Variants in TTN observed in about 807,000 individuals in gnomAD.
TTN encodes the protein titin, also known as connectin.
Under a neutral mutation model 3,223.0 loss-of-function variants are expected in TTN, and 1,525 were observed. The ratio of observed to expected loss-of-function variants is 0.47; its 90% confidence interval spans 0.45 to 0.49. The LOEUF (loss-of-function observed/expected upper bound fraction) is 0.49, where lower values mean the gene tolerates loss of function less well. Ranked by LOEUF, TTN falls within the 20% of genes least tolerant of loss-of-function variation. The pLI is 0.00. For synonymous variants in TTN, 14,094 were observed against 15,161.0 expected (o/e 0.93, Z 5.17); for missense variants, 40,786 against 43,424.0 (o/e 0.94, Z 5.40).
rs1419991735 is a variant in TTN at position 178,601,872 on chromosome 2, A to AT, written c.55302+9dup. ...CATATTCTGAATTATTTTAATTATT[A>AT]TTTTTTTACCTGTGCATCTTCGGGT... On this transcript the variant is annotated intron_variant, in intron 285 of 362. Transcript: ENST00000589042. The AT allele has an allele frequency of 1.2e-6, 2 of 1,608,910 alleles. No homozygotes were observed. Among genetic ancestry groups the AT allele is most frequent in the Admixed American group, 1.7e-5 (1 of 59,358 alleles).
chr2:178,564,111 G>T lies in TTN; in HGVS notation c.82021C>A (p.Arg27341=). 6.2e-7 allele frequency: 1 copy of T among 1,613,644 alleles called. No individual in the cohort carries two copies. Among genetic ancestry groups the T allele is most frequent in the African/African-American group, 1.3e-5 (1 of 74,992 alleles). The change falls in exon 326 of 363, where the codon CGG becomes AGG. Residue 27341 remains arginine (R), a synonymous_variant. Coordinates refer to ENST00000589042, the MANE Select transcript of TTN (RefSeq NM_001267550.2). ...AGAATATATTGTCCTCCATCAGTCC[G>T]TATACAGTCTTTGACAACAAGAGTT... ...KTTLVVKDCI[R]TDGGQYILKL...
chr2:178,664,315 T>C, intron 168 of TTN, 145 bp downstream of exon 168: 4 of 786,440 alleles, frequency 5.1e-6, no homozygotes, highest in South Asian at 1.8e-5. Context: ...AGTTTGAAGA[T>C]ATTAATACAT....
chr2:178,725,963 T>A lies in TTN; in HGVS notation c.20359A>T (p.Thr6787Ser). Residue 6787 changes from threonine (T) to serine (S), a missense_variant, in exon 70 of 363, where the codon ACA (threonine) becomes TCA (serine). Thr to Ser is a moderately conservative substitution (Grantham distance 58, BLOSUM62 1). Transcript: ENST00000589042. ...TACCATACCACCTCAAACGGTGGTG[T>A]TCCCGAAAGTTCACATTCAAGACTG... ...EVSLECELSG[T>S]PPFEVVWYKD... 3 of 1,611,932 alleles carry A rather than the reference T, an allele frequency of 1.9e-6. No individual in the cohort carries two copies. The African/African-American group carries it at 4.0e-5, about 22-fold the overall frequency.
intron 130 of TTN, 57 bp from the exon 131 acceptor site, chr2:178,684,806 G>A: frequency 6.4e-7 from 1 of 1,566,938 alleles, no homozygotes; most frequent in Non-Finnish European, 8.7e-7. Context: ...ACTAAACACA[G>A]GCACACTTAT....
Position 178,537,194 on chromosome 2 carries a change from C to A in TTN, c.99915G>T (p.Lys33305Asn). The A allele has an allele frequency of 6.2e-7, 1 of 1,611,958 alleles. No homozygotes were observed. The highest frequency in any genetic ancestry group is 8.5e-7 in the Non-Finnish European group (1 of 1,178,440). ...TGPIVIEALL[K>N]NSAVISWKPP... ...GTTTCCAGCTGATCACTGCGGAGTT[C>A]TTCAATAGAGCTTCGATCACAATTG... is the stretch of plus-strand genomic sequence containing the variant. Residue 33305 changes from lysine to asparagine, a missense_variant, in exon 356 of 363, where the codon AAG becomes AAT. Physicochemically the swap from Lys to Asn is moderately conservative, Grantham distance 94. Transcript: ENST00000589042.
chr2:178,538,547 T>C lies in TTN; in HGVS notation c.99282A>G (p.Lys33094=). ...PRRTAMSIKT[K]LTSGEAPGIR... is the part of the protein sequence containing the mutation. The stretch of plus-strand genomic sequence containing the variant: ...GAACCAAAGGCTACTTACATGTGAG[T>C]TTAGTCTTTATAGACATAGCAGTTC... Residue 33094 remains lysine (K), a synonymous_variant, in exon 354 of 363, where the codon AAA becomes AAG. Coordinates refer to ENST00000589042, the MANE Select transcript of TTN (RefSeq NM_001267550.2). 6.2e-7 allele frequency: 1 copy of C among 1,608,722 alleles called. No individual in the cohort carries two copies.
rs372097769 is a variant in TTN at position 178,664,666 on chromosome 2, G to A, written c.36190C>T (p.Leu12064Phe). ...LVVPLRKPEV[L>F]PDEVPEALRE... ...CAGCAAGATATACCTTCATCAGGAA[G>A]GACTTCAGGCTTTCTGAGAGGAACC... Residue 12064 changes from leucine (L) to phenylalanine (F), a missense_variant, in exon 167 of 363, where the codon CTT becomes TTT. Coordinates refer to ENST00000589042, the MANE Select transcript of TTN (RefSeq NM_001267550.2). 8 of 1,612,350 alleles carry A rather than the reference G, an allele frequency of 5.0e-6. No individual in the cohort carries two copies. In the African/African-American group the frequency reaches 9.3e-5, roughly 19 times the overall value.
At position 178,532,304 on chromosome 2, in the gene TTN, C is replaced by T. The variant is rs2154134190; in HGVS notation, c.104311G>A (p.Glu34771Lys). 2 of 1,614,018 alleles carry T rather than the reference C, an allele frequency of 1.2e-6. No individual in the cohort carries two copies. Among genetic ancestry groups the T allele is most frequent in the African/African-American group, 1.3e-5 (1 of 75,056 alleles). The stretch of plus-strand genomic sequence containing the variant: ...GTCGTAACTGGGCGAAGCAACTCTT[C>T]ATCCTCCCTCTCAGCCATGATTCTT... ...RQRIMAERED[E>K]ELLRPVTTTQ... Residue 34771 changes from glutamate to lysine, a missense_variant, in exon 358 of 363, where the codon GAA becomes AAA. Coordinates refer to ENST00000589042, the MANE Select transcript of TTN (RefSeq NM_001267550.2).
rs182728387 is a variant in TTN at position 178,705,474 on chromosome 2, A to T, written c.29421-117T>A. On this transcript the variant is annotated intron_variant, in intron 102 of 362. Coordinates refer to ENST00000589042, the MANE Select transcript of TTN (RefSeq NM_001267550.2). ...GGTTTTCTATGTTCTTTATTCAATA[A>T]ATATTAATTTTACCATGTTAGCTGT... 30 of 841,032 alleles carry T rather than the reference A, an allele frequency of 3.6e-5. 1 individual carries two copies. The Admixed American group carries it at 8.5e-4, about 24-fold the overall frequency. The allele number at this position is 841,032 out of a possible 1,614,324, so 52.1% of individuals were successfully genotyped here.
intron 47 of TTN, chr2:178,744,458 T>A: frequency 1.1e-6 from 1 of 881,464 alleles, no homozygotes. Context: ...CATTAGTATA[T>A]AGGTAAGATA....
intron 83 of TTN, 52 bp from the exon 84 acceptor site, chr2:178,719,025 G>A: frequency 6.6e-7 from 1 of 1,526,392 alleles, no homozygotes; most frequent in African/African-American, 1.4e-5. Flanking sequence ...AAATCCAAGT[G>A]AGAAGTGCTT....
chr2:178,689,333 T>A lies in TTN; in HGVS notation c.31968A>T (p.Lys10656Asn). The change falls in exon 124 of 363, where the codon AAA becomes AAT. Residue 10656 changes from lysine (K) to asparagine (N), a missense_variant. Transcript: ENST00000589042. ...IPKKKVPEER[K>N]PVPRKEEEVP... Reference sequence around the variant, plus strand: ...CTTCTTCCTCCTTCCGAGGAACAGGTTTCCTTTCTTCAGGAACTTTCTTCT... The same window carrying A: ...CTTCTTCCTCCTTCCGAGGAACAGGATTCCTTTCTTCAGGAACTTTCTTCT... 6.2e-7 allele frequency: 1 copy of A among 1,613,834 alleles called. No homozygotes were observed. The highest frequency in any genetic ancestry group is 8.5e-7 in the Non-Finnish European group (1 of 1,179,826).
chr2:178,567,202 T>C lies in TTN; in HGVS notation c.78930A>G (p.Pro26310=). 1 of 1,612,218 alleles carries C rather than the reference T, an allele frequency of 6.2e-7. No individual in the cohort carries two copies. Among genetic ancestry groups the C allele is most frequent in the Non-Finnish European group, 8.5e-7 (1 of 1,178,874 alleles). ...TGTCACTGCCACCATCTTGAAGTGG[T>C]GGAGACCATGTTAAAGAGCATTTTT... is the stretch of plus-strand genomic sequence containing the variant. The part of the protein sequence containing the change: ...TSEKCSLTWS[P]PLQDGGSDIS... Residue 26310 remains proline (P), a synonymous_variant, in exon 326 of 363, where the codon CCA becomes CCG. Coordinates refer to ENST00000589042, the MANE Select transcript of TTN (RefSeq NM_001267550.2).
In TTN at chr2:178,717,108, C is replaced by A. The variant is rs2562832; in HGVS notation, c.25626G>T (p.Gln8542His). 44,019 of 1,611,654 alleles carry A rather than the reference C, an allele frequency of 0.027. 1,379 individuals carry two copies. The highest frequency in any genetic ancestry group is 0.19 in the East Asian group (8,549 of 44,790). Residue 8542 changes from glutamine (Q) to histidine (H), a missense_variant, in exon 88 of 363, where the codon CAG (glutamine) becomes CAT (histidine). Transcript: ENST00000589042. ...TCTAACAAGTACCTTGTACACCCAG[C>A]TGAGCAGAACAAGAGTCTTTTCCAG... ...NIAGKDSCSA[Q>H]LGVQEPPRFI...
chr2:178,548,130 T>C lies in TTN; in HGVS notation c.93496A>G (p.Thr31166Ala), dbSNP rs1409419623. The C allele has an allele frequency of 6.2e-7, 1 of 1,613,898 alleles. No homozygotes were observed. The highest frequency in any genetic ancestry group is 2.2e-5 in the East Asian group (1 of 44,878). ...TCTACTGTGAAAGTTAGCTGTTTGG[T>C]GTGACCAGCTTCAACCCAGAAGTCA... Reference protein sequence around the residue: ...GSDFWVEAGHTKQLTFTVERL... With the variant: ...GSDFWVEAGHAKQLTFTVERL... Residue 31166 changes from threonine to alanine, a missense_variant, in exon 339 of 363, where the codon ACC (threonine) becomes GCC (alanine). Coordinates refer to ENST00000589042, the MANE Select transcript of TTN (RefSeq NM_001267550.2). The surrounding 1 kb of genome is among the most constrained non-coding windows in gnomAD (Gnocchi z 4.3).
chr2:178,697,109 A>G lies in TTN; in HGVS notation c.30802+12T>C, dbSNP rs1454963409. ...GGAATAAACAGAATAAAAATAATTT[A>G]TCTTTATTTACCTTTTGCTGGAATT... On this transcript the variant is annotated intron_variant, in intron 113 of 362. Coordinates refer to ENST00000589042, the MANE Select transcript of TTN (RefSeq NM_001267550.2). 2 of 1,539,270 alleles carry G rather than the reference A, an allele frequency of 1.3e-6. No individual in the cohort carries two copies. The highest frequency in any genetic ancestry group is 2.0e-5 in the Admixed American group (1 of 51,140).
In TTN at chr2:178,607,539, G is replaced by A. The variant is rs369001587; in HGVS notation, c.53149C>T (p.Arg17717Cys). 12 of 1,613,024 alleles carry A rather than the reference G, an allele frequency of 7.4e-6. No individual in the cohort carries two copies. The highest frequency in any genetic ancestry group is 4.4e-5 in the South Asian group (4 of 91,066). ...GTTCCAACGTTGTCTATTACAACAC[G>A]GTCTTTATCCAGCTCCCCTTCTTCT... ...TKEEGELDKD[R>C]VVIDNVGTKS... The change falls in exon 277 of 363, where the codon CGT (arginine) becomes TGT (cysteine). Residue 17717 changes from arginine (R) to cysteine (C), a missense_variant. Transcript: ENST00000589042.
intron 240 of TTN, among the ~76,000 whole-genome samples, chr2:178,628,608 G>A (rs924539059): frequency 6.6e-6 from 1 of 151,906 alleles, no homozygotes; most frequent in African/African-American, 2.4e-5. Context: ...TAAAATCTTG[G>A]GCATAAAGAA....
rs377445639 is a variant in TTN at position 178,634,478 on chromosome 2, G to A, written c.42303C>T (p.Ile14101=). The A allele has an allele frequency of 7.4e-6, 12 of 1,613,020 alleles. No individual in the cohort carries two copies. Among genetic ancestry groups the A allele is most frequent in the Middle Eastern group, 1.6e-4 (1 of 6,074 alleles). ...IIKSSDKFDI[I]ADGKKHILVI... is the part of the protein sequence containing the mutation. ...CAAGAATATGTTTCTTTCCATCAGC[G>A]ATGATATCAAATTTGTCAGATGACT... Residue 14101 remains isoleucine, a synonymous_variant, in exon 230 of 363, where the codon ATC becomes ATT. Coordinates refer to ENST00000589042, the MANE Select transcript of TTN (RefSeq NM_001267550.2). The surrounding 1 kb of genome is among the most constrained non-coding windows in gnomAD (Gnocchi z 4.6).
Sources: allele counts gnomAD v4.1 joint callset (sites outside exome capture counted in the v4.1 genomes callset), GRCh38; gene constraint gnomAD v4.1.1; non-coding constraint Gnocchi (gnomAD v3.1); transcripts MANE v1.5; gene names NCBI Gene and HGNC (gene_info 2026-07-23, HGNC 2026-07-21).